The following MYO18A variants were observed in gnomAD, a reference collection of about 807,000 sequenced individuals.
MYO18A encodes unconventional myosin-XVIIIa.
In MYO18A, 78 loss-of-function variants were observed where a neutral mutation model predicts 235.8. The observed-to-expected ratio is 0.33, with a 90% CI of 0.28 to 0.40. The LOEUF (loss-of-function observed/expected upper bound fraction) is 0.40. MYO18A is among the 10% of genes least tolerant of loss of function. MYO18A has a pLI of 1.00. For missense variants in MYO18A, 2,215 were observed against 2,699.3 expected, an observed-to-expected ratio of 0.82 and a Z score of 3.98; for synonymous variants, 977 against 1,077.8, an observed-to-expected ratio of 0.91 and a Z score of 1.83.
chr17:29,175,674 A>T (rs2152992301), intron 1 of MYO18A, among the ~76,000 whole-genome samples: 1 of 152,052 alleles, frequency 6.6e-6, no homozygotes, highest in African/African-American at 2.4e-5. Context: ...TACTACAGAA[A>T]TTTTTTAAAT....
At position 29,089,969 on chromosome 17, in the gene MYO18A, G is replaced by A. The variant is rs1019125491; in HGVS notation, c.5518C>T (p.Arg1840Trp). ...GAGAAGTGTGAACCCACCTCCAGCCGTTTCACTTGCGTCCTTTCAAACTCC... is the reference window on the plus strand; with the variant it reads ...GAGAAGTGTGAACCCACCTCCAGCCATTTCACTTGCGTCCTTTCAAACTCC... Reference protein sequence around the residue: ...RLEFERTQVKRLESLASRLKE... With the variant: ...RLEFERTQVKWLESLASRLKE... Residue 1840 changes from arginine to tryptophan, a missense_variant, in exon 37 of 42, where the codon CGG (arginine) becomes TGG (tryptophan). Transcript: ENST00000527372. 6.2e-6 allele frequency: 10 copies of A among 1,613,940 alleles called. No homozygotes were observed. Among genetic ancestry groups the A allele is most frequent in the African/African-American group, 1.3e-5 (1 of 74,952 alleles).
intron 2 of MYO18A, among the ~76,000 whole-genome samples, chr17:29,144,826 G>C (rs2067814479): frequency 6.6e-6 from 1 of 152,146 alleles, no homozygotes. Context: ...TGTGGGGTTA[G>C]ATTCCAAAGT....
Position 29,110,542 on chromosome 17 carries a change from C to T in MYO18A, c.2981G>A (p.Gly994Asp). The T allele has an allele frequency of 6.2e-7, 1 of 1,611,260 alleles. No individual in the cohort carries two copies. The change falls in exon 18 of 42, where the codon GGC (glycine) becomes GAC (aspartate). Residue 994 changes from glycine to aspartate, a missense_variant. Coordinates refer to ENST00000527372, the MANE Select transcript of MYO18A (RefSeq NM_078471.4). The part of the protein sequence containing the change: ...LSGSIAGLEG[G>D]SQLALRRATS... ...GGCCCGGCGCAGTGCCAGCTGCGAGCCGCCCTCCAGGCCCGCGATGGAGCC... is the reference window on the plus strand; with the variant it reads ...GGCCCGGCGCAGTGCCAGCTGCGAGTCGCCCTCCAGGCCCGCGATGGAGCC...
rs1377715850 is a variant in MYO18A at position 29,074,343 on chromosome 17, G to A, written c.*427C>T. Reference sequence around the variant, plus strand: ...AGAAGAGAGAGCCCCCACCCCACACGAGAGGGAAGGCACTGCTTCTCCTCC... The same window carrying A: ...AGAAGAGAGAGCCCCCACCCCACACAAGAGGGAAGGCACTGCTTCTCCTCC... On this transcript the variant is annotated 3_prime_UTR_variant, in exon 42 of 42. Transcript: ENST00000527372. The surrounding 1 kb of genome is among the most constrained non-coding windows in gnomAD (Gnocchi z 4.4). The A allele has an allele frequency of 1.3e-5, 10 of 765,668 alleles. No homozygotes were observed. The highest frequency in any genetic ancestry group is 8.9e-5 in the Admixed American group (3 of 33,768). The allele number at this position is 765,668 out of a possible 1,614,324, so 47.4% of individuals were successfully genotyped here.
At chr17:29,112,255 G>A (rs1320698524) in intron 15 of MYO18A, among the ~76,000 whole-genome samples, 1 of 152,210 alleles carries the variant, frequency 6.6e-6, no homozygotes, top group Non-Finnish European at 1.5e-5. Flanking sequence ...AAGTCTGGAA[G>A]GCCCTGAGCA....
chr17:29,098,023 C>T lies in MYO18A; in HGVS notation c.3990+82G>A. On this transcript the variant is annotated intron_variant, in intron 25 of 41. Transcript: ENST00000527372. ...GGATGCTGGGCTAGGGGTGAAGATG[C>T]CAACTGTCTTTGGGGGGAGCCAATG... The T allele has an allele frequency of 1.9e-6, 3 of 1,585,300 alleles. No homozygotes were observed. The African/African-American group carries it at 4.0e-5, about 21-fold the overall frequency.
Position 29,117,880 on chromosome 17 carries a change from C to T in MYO18A, c.2038+165G>A, listed in dbSNP as rs117483492. 1.4e-3 allele frequency among the ~76,000 whole-genome samples: 214 copies of T among 152,272 alleles called. 1 individual carries two copies. The highest frequency in any genetic ancestry group is 2.2e-3 in the Non-Finnish European group (152 of 68,012). On this transcript the variant is annotated intron_variant, in intron 10 of 41. Coordinates refer to ENST00000527372, the MANE Select transcript of MYO18A (RefSeq NM_078471.4). The surrounding 1 kb of genome is among the most constrained non-coding windows in gnomAD (Gnocchi z 4.6). ...GGTCGTCACTGCCAAAGATGCTTCCCGGGCCTTCTGCTCTGAAGTGGGGGG... is the reference window on the plus strand; with the variant it reads ...GGTCGTCACTGCCAAAGATGCTTCCTGGGCCTTCTGCTCTGAAGTGGGGGG...
chr17:29,097,450 C>G, intron 26 of MYO18A, 100 bp from the exon 27 acceptor site: 13 of 1,491,878 alleles, frequency 8.7e-6, no homozygotes, highest in Non-Finnish European at 1.2e-5. Flanking sequence ...CAGGTGGAGT[C>G]AGCCAGGGCT....
intron 2 of MYO18A, among the ~76,000 whole-genome samples, chr17:29,151,501 CAT>C (rs1051127301): frequency 3.9e-5 from 6 of 152,144 alleles, no homozygotes; most frequent in African/African-American, 1.4e-4. Context: ...CCTATCCACA[CAT>C]GCCTTGCCTT....
chr17:29,074,108 T>C lies in MYO18A; in HGVS notation c.*662A>G. On this transcript the variant is annotated 3_prime_UTR_variant, in exon 42 of 42. Coordinates refer to ENST00000527372, the MANE Select transcript of MYO18A (RefSeq NM_078471.4). The surrounding 1 kb of genome is among the most constrained non-coding windows in gnomAD (Gnocchi z 4.4). ...CACCGGAGAGCCCCTCCGCACCTCA[T>C]TCTTAAGAACCTGGACCCGGCTCTC... The C allele has an allele frequency of 1.2e-6, 2 of 1,613,964 alleles. No individual in the cohort carries two copies. Among genetic ancestry groups the C allele is most frequent in the Non-Finnish European group, 1.7e-6 (2 of 1,179,996 alleles).
chr17:29,153,130 CTTGT>C (rs919854618), intron 2 of MYO18A, among the ~76,000 whole-genome samples: 1 of 151,756 alleles, frequency 6.6e-6, no homozygotes, highest in Non-Finnish European at 1.5e-5. Flanking sequence ...TTTGTGTTTG[CTTGT>C]TTGTTTGAGA....
In MYO18A at chr17:29,133,801, T is replaced by G. The variant is rs1465821204; in HGVS notation, c.1000-11548A>C. The G allele has an allele frequency of 3.1e-6, 4 of 1,289,212 alleles. No homozygotes were observed. In the Admixed American group the frequency reaches 9.2e-5, roughly 30 times the overall value. The allele number at this position is 1,289,212 out of a possible 1,614,324, so 79.9% of individuals were successfully genotyped here. On this transcript the variant is annotated intron_variant, in intron 2 of 41. Coordinates refer to ENST00000527372, the MANE Select transcript of MYO18A (RefSeq NM_078471.4). ...AAGATTTTAAAATCCAACTTTCCTTTTGCTCCCAGAAGGCGAACCTTGATG... is the reference window on the plus strand; with the variant it reads ...AAGATTTTAAAATCCAACTTTCCTTGTGCTCCCAGAAGGCGAACCTTGATG...
chr17:29,079,067 G>A (rs1311484925), intron 41 of MYO18A, among the ~76,000 whole-genome samples: 1 of 152,166 alleles, frequency 6.6e-6, no homozygotes, highest in Non-Finnish European at 1.5e-5. Context: ...GTGGGGGCAG[G>A]GTAGGGGAGG....
At chr17:29,173,315 C>G (rs1025104347) in intron 1 of MYO18A, among the ~76,000 whole-genome samples, 1 of 151,942 alleles carries the variant, frequency 6.6e-6, no homozygotes, top group East Asian at 1.9e-4. Flanking sequence ...TGGTCTTGAA[C>G]TCCTGACCTC....
In MYO18A at chr17:29,073,914, G is replaced by A. The variant is rs2065918083; in HGVS notation, c.*856C>T. ...TCCAGACCACCTGGACAGAGCAGGA[G>A]GGAGGCAGTGCTTGGATCAGCCCTG... is the stretch of plus-strand genomic sequence containing the variant. On this transcript the variant is annotated 3_prime_UTR_variant, in exon 42 of 42. Coordinates refer to ENST00000527372, the MANE Select transcript of MYO18A (RefSeq NM_078471.4). The A allele has an allele frequency of 3.1e-6, 5 of 1,613,880 alleles. No homozygotes were observed. The highest frequency in any genetic ancestry group is 4.2e-6 in the Non-Finnish European group (5 of 1,179,762).
chr17:29,091,280 C>T (rs937674478), intron 34 of MYO18A: 2 of 321,346 alleles, frequency 6.2e-6, no homozygotes, highest in African/African-American at 4.3e-5. Context: ...CACTCTGCCC[C>T]CTTCAGGCCC....
chr17:29,107,011 T>A, intron 20 of MYO18A, 69 bp downstream of exon 20: 1 of 1,442,918 alleles, frequency 6.9e-7, no homozygotes. Flanking sequence ...GGAAGGCAGA[T>A]GAGTCTGGAA....
intron 39 of MYO18A, among the ~76,000 whole-genome samples, chr17:29,085,941 C>T (rs60894538): frequency 0.13 from 20,534 of 152,278 alleles, 1,677 homozygotes; most frequent in East Asian, 0.29. Flanking sequence ...CTAGGGTCCA[C>T]CTAGGGCAGC....
intron 1 of MYO18A, among the ~76,000 whole-genome samples, chr17:29,174,150 G>A (rs2068469813): frequency 6.6e-6 from 1 of 152,192 alleles, no homozygotes; most frequent in African/African-American, 2.4e-5. Context: ...TAATATACAT[G>A]GCTAATCCTT....
Sources: gnomAD v4.1 joint callset for allele counts (sites outside exome capture counted in the v4.1 genomes callset) on GRCh38, gnomAD v4.1.1 for gene constraint, Gnocchi (gnomAD v3.1) non-coding constraint, MANE v1.5 for transcripts, NCBI Gene and HGNC (gene_info 2026-07-23, HGNC 2026-07-21) for gene names.